The following BMP7 variants were observed in gnomAD, a reference collection of about 807,000 sequenced individuals.
The protein encoded by BMP7 is bone morphogenetic protein 7.
A neutral mutation model predicts 41.2 loss-of-function variants in BMP7; 12 were observed. The ratio of observed to expected loss-of-function variants is 0.29; its 90% confidence interval spans 0.19 to 0.47. BMP7 has a LOEUF of 0.47. Among genes scored for constraint, BMP7 ranks in the 20% least tolerant of loss-of-function variants. The pLI is 0.99. For missense variants in BMP7, 467 were observed against 606.0 expected (o/e 0.77, Z 2.41); for synonymous variants, 248 against 250.0 (o/e 0.99, Z 0.07).
Position 57,208,366 on chromosome 20 carries a change from G to A in BMP7, c.612-5743C>T, listed in dbSNP as rs576207809. ...CATCATCAGCAACCATTAGGGAAAC[G>A]CAAATTGAAACCACAGTGAGACAGC... On this transcript the variant is annotated intron_variant, in intron 2 of 6. Coordinates refer to ENST00000395863, the MANE Select transcript of BMP7 (RefSeq NM_001719.3). 3.3e-5 allele frequency among the ~76,000 whole-genome samples: 5 copies of A among 152,272 alleles called. No individual in the cohort carries two copies. In the East Asian group the frequency reaches 5.8e-4, roughly 18 times the overall value.
chr20:57,196,615 C>T (rs1358086284), intron 3 of BMP7, among the ~76,000 whole-genome samples: 1 of 152,210 alleles, frequency 6.6e-6, no homozygotes, highest in East Asian at 1.9e-4. Context: ...CATCATTCAT[C>T]ATTCACTCCC....
At chr20:57,230,146 C>T (rs146150194) in intron 1 of BMP7, among the ~76,000 whole-genome samples, 1,596 of 152,220 alleles carry the variant, frequency 0.01, 27 homozygotes, top group African/African-American at 0.036. Flanking sequence ...GAAACCGTTC[C>T]GGGGTCCTTC....
At chr20:57,200,045 G>T (rs746689392) in intron 3 of BMP7, among the ~76,000 whole-genome samples, 1 of 152,206 alleles carries the variant, frequency 6.6e-6, no homozygotes, top group Non-Finnish European at 1.5e-5. Flanking sequence ...ATGGAGCCCC[G>T]GCGGGTTCTC....
rs771833440 is a variant in BMP7, at chr20:57,171,640, G to A, written c.1147-532C>T. The stretch of plus-strand genomic sequence containing the variant: ...AGGCCGCCACTCAACCTAAGCTGAC[G>A]GCAGCCAACCAAGATCAGTGTTAGC... On this transcript the variant is annotated intron_variant, in intron 6 of 6. Transcript: ENST00000395863. The surrounding 1 kb of genome is among the most constrained non-coding windows in gnomAD (Gnocchi z 4.5). 3.3e-5 allele frequency among the ~76,000 whole-genome samples: 5 copies of A among 152,274 alleles called. No individual in the cohort carries two copies. Among genetic ancestry groups the A allele is most frequent in the Middle Eastern group, 3.4e-3 (1 of 294 alleles).
At chr20:57,205,765 T>C (rs188095465) in intron 2 of BMP7, among the ~76,000 whole-genome samples, 1 of 152,266 alleles carries the variant, frequency 6.6e-6, no homozygotes, top group East Asian at 1.9e-4. Flanking sequence ...ATACTGAGCA[T>C]TCTCTTATTG....
rs943506437 is a variant in BMP7, at chr20:57,202,638, G to A, written c.612-15C>T. Reference sequence around the variant, plus strand: ...GATCCGATTCCCTGCGAGAGAGGAGGAGAGACACGGGCTTCGCGTTAGCCA... The same window carrying A: ...GATCCGATTCCCTGCGAGAGAGGAGAAGAGACACGGGCTTCGCGTTAGCCA... On this transcript the variant is annotated splice_polypyrimidine_tract_variant and intron_variant, in intron 2 of 6. Transcript: ENST00000395863. 6 of 1,523,632 alleles carry A rather than the reference G, an allele frequency of 3.9e-6. No individual in the cohort carries two copies. In the African/African-American group the frequency reaches 6.9e-5, roughly 18 times the overall value. 94.4% of individuals were successfully genotyped at this position (1,523,632 alleles called of 1,614,324 possible).
chr20:57,250,819 A>AGCAGGAG (rs1352422897), intron 1 of BMP7, among the ~76,000 whole-genome samples: 5 of 152,300 alleles, frequency 3.3e-5, no homozygotes, highest in African/African-American at 1.2e-4. Flanking sequence ...GATCTTAATC[A>AGCAGGAG]GCAGGAGGCA....
intron 3 of BMP7, among the ~76,000 whole-genome samples, chr20:57,200,730 G>A (rs1264892306): frequency 6.6e-6 from 1 of 152,166 alleles, no homozygotes; most frequent in African/African-American, 2.4e-5. Context: ...GGGAGGCGGA[G>A]GTTATAGTGA....
Position 57,265,835 on chromosome 20 carries a change from G to A in BMP7, c.288C>T (p.Gly96=), listed in dbSNP as rs1568734777. The change falls in exon 1 of 7, where the codon GGC becomes GGT. Residue 96 remains glycine, a synonymous_variant. Coordinates refer to ENST00000395863, the MANE Select transcript of BMP7 (RefSeq NM_001719.3). ...LYNAMAVEEG[G]GPGGQGFSYP... ...AGGAGAAGCCCTGGCCGCCGGGCCC[G>A]CCGCCCTCCTCCACCGCCATGGCGT... 6.2e-7 allele frequency: 1 copy of A among 1,606,276 alleles called. No homozygotes were observed. The highest frequency in any genetic ancestry group is 8.5e-7 in the Non-Finnish European group (1 of 1,176,896).
chr20:57,195,802 G>A (rs146190646), intron 3 of BMP7, among the ~76,000 whole-genome samples: 5 of 152,310 alleles, frequency 3.3e-5, no homozygotes, highest in African/African-American at 7.2e-5. Flanking sequence ...ACGTGCTCTC[G>A]TGTGTCACAG....
intron 2 of BMP7, among the ~76,000 whole-genome samples, chr20:57,207,565 T>C (rs776603048): frequency 1.3e-5 from 2 of 152,204 alleles, no homozygotes; most frequent in African/African-American, 2.4e-5. Context: ...TGAGAGGGAC[T>C]GGTAAAAACA....
At chr20:57,204,253 C>T (rs1021623573) in intron 2 of BMP7, among the ~76,000 whole-genome samples, 1 of 152,220 alleles carries the variant, frequency 6.6e-6, no homozygotes, top group South Asian at 2.1e-4. Context: ...CACACATCTC[C>T]GGTTGGCTCC....
At chr20:57,179,948 G>A (rs1984036587) in intron 4 of BMP7, among the ~76,000 whole-genome samples, 1 of 151,986 alleles carries the variant, frequency 6.6e-6, no homozygotes, top group Admixed American at 6.6e-5. Flanking sequence ...GAGGCGGTGG[G>A]GAAAATCAGA....
chr20:57,189,458 A>AC (rs1984299064), intron 3 of BMP7, among the ~76,000 whole-genome samples: 1 of 152,246 alleles, frequency 6.6e-6, no homozygotes, highest in African/African-American at 2.4e-5. Flanking sequence ...CAAACCCAGC[A>AC]CAGGGCCCTT....
chr20:57,172,018 T>C (rs1009030078), intron 6 of BMP7, among the ~76,000 whole-genome samples: 2 of 152,184 alleles, frequency 1.3e-5, no homozygotes, highest in Non-Finnish European at 2.9e-5. Context: ...CATTTCACAA[T>C]CCCTGGAGAA....
At chr20:57,212,688 G>T (rs1222681774) in intron 2 of BMP7, among the ~76,000 whole-genome samples, 4 of 152,258 alleles carry the variant, frequency 2.6e-5, no homozygotes, top group African/African-American at 9.6e-5. Context: ...TGCGGCTGCG[G>T]TGAGTCAGGC....
intron 1 of BMP7, among the ~76,000 whole-genome samples, chr20:57,257,515 C>T (rs2146031137): frequency 6.6e-6 from 1 of 152,156 alleles, no homozygotes; most frequent in Non-Finnish European, 1.5e-5. Context: ...TTTAGTGTCT[C>T]CTACTTAAAT....
rs2066177822 is a variant in BMP7 at position 57,266,174 on chromosome 20, C to G, written c.-52G>C. On this transcript the variant is annotated 5_prime_UTR_variant, in exon 1 of 7. Transcript: ENST00000395863. ...CTCCGGGCTCCGGGCCCGCACCGCCCCAGGTGGCAGAGGGGGCAGGCGGCC... is the reference window on the plus strand; with the variant it reads ...CTCCGGGCTCCGGGCCCGCACCGCCGCAGGTGGCAGAGGGGGCAGGCGGCC... 1.4e-6 allele frequency: 2 copies of G among 1,433,836 alleles called. No homozygotes were observed. Among genetic ancestry groups the G allele is most frequent in the South Asian group, 2.9e-5 (2 of 68,242 alleles). 88.8% of individuals were successfully genotyped at this position (1,433,836 alleles called of 1,614,324 possible). A position where few individuals can be genotyped will look rare whatever the true frequency, so the allele number is the denominator to read the frequency against.
chr20:57,242,426 C>T (rs180755081), intron 1 of BMP7, among the ~76,000 whole-genome samples: 47 of 152,246 alleles, frequency 3.1e-4, no homozygotes, highest in African/African-American at 1.1e-3. Flanking sequence ...CTGGTATAAC[C>T]CCAGGCTCAC....
Sources: gnomAD v4.1 joint callset for allele counts (sites outside exome capture counted in the v4.1 genomes callset) on GRCh38, gnomAD v4.1.1 for gene constraint, Gnocchi (gnomAD v3.1) non-coding constraint, MANE v1.5 for transcripts, NCBI Gene and HGNC (gene_info 2026-07-23, HGNC 2026-07-21) for gene names.